LGI2: variants seen among roughly 807,000 people sequenced by gnomAD.
LGI2 encodes the protein leucine-rich repeat LGI family member 2.
LGI2 carries 30 observed loss-of-function variants against 52.0 expected under a neutral mutation model. That is an observed-to-expected ratio of 0.58 (90% CI 0.43 to 0.78). The LOEUF (loss-of-function observed/expected upper bound fraction) is 0.78. Ranked by LOEUF, LGI2 falls within the 30% of genes least tolerant of loss-of-function variation. The probability of loss-of-function intolerance (pLI) is 0.00; values close to 1 mark genes in which losing one functional copy is unlikely to be tolerated. For missense variants in LGI2, 573 were observed against 692.5 expected, an observed-to-expected ratio of 0.83 and a Z score of 1.94; for synonymous variants, 270 against 271.8, an observed-to-expected ratio of 0.99 and a Z score of 0.06.
At chr4:25,005,473 T>C (rs1725367114) in intron 7 of LGI2, among the ~76,000 whole-genome samples, 1 of 152,050 alleles carries the variant, frequency 6.6e-6, no homozygotes, top group African/African-American at 2.4e-5. Flanking sequence ...TTAATTAGCT[T>C]GATTTAGCCA....
chr4:25,018,818 T>A (rs1332122282), intron 5 of LGI2, among the ~76,000 whole-genome samples: 1 of 151,344 alleles, frequency 6.6e-6, no homozygotes, highest in African/African-American at 2.4e-5. Flanking sequence ...GTGGAGATCA[T>A]ACCATTTCAC....
At chr4:25,008,292 C>G (rs1439673059) in intron 7 of LGI2, among the ~76,000 whole-genome samples, 1 of 152,192 alleles carries the variant, frequency 6.6e-6, no homozygotes, top group Non-Finnish European at 1.5e-5. Context: ...TTGTCTCACA[C>G]CTGTAATCCT....
In LGI2 at chr4:25,029,101, T is replaced by C. The variant is rs554771624; in HGVS notation, c.198-523A>G. 2.6e-5 allele frequency among the ~76,000 whole-genome samples: 4 copies of C among 152,302 alleles called. No individual in the cohort carries two copies. The South Asian group carries it at 8.3e-4, about 32-fold the overall frequency. On this transcript the variant is annotated intron_variant, in intron 1 of 7. Transcript: ENST00000382114. ...CCCTGTGTGGGGAGAGGCAGTACCA[T>C]CTGCCAGATAAAACGGTCAACCAGG... is the stretch of plus-strand genomic sequence containing the variant.
chr4:25,025,223 G>A (rs541354051), intron 3 of LGI2, among the ~76,000 whole-genome samples: 2 of 152,294 alleles, frequency 1.3e-5, no homozygotes, highest in East Asian at 3.9e-4. Context: ...CTGCAAGACT[G>A]GAGCACTTCC....
rs765581940 is a variant in LGI2 at position 25,003,928 on chromosome 4, G to C, written c.1161C>G (p.Leu387=). ...GGACCTGGGAGCGGCTGGACAGGAT[G>C]AGATGCGATTTTCCATCGATATCAA... is the stretch of plus-strand genomic sequence containing the variant. The part of the protein sequence containing the change: ...EFVDIDGKSH[L]ILSSRSQVPI... The change falls in exon 8 of 8, where the codon CTC becomes CTG. Residue 387 remains leucine, a synonymous_variant. Coordinates refer to ENST00000382114, the MANE Select transcript of LGI2 (RefSeq NM_018176.4). 21 of 1,614,068 alleles carry C rather than the reference G, an allele frequency of 1.3e-5. No homozygotes were observed. Among genetic ancestry groups the C allele is most frequent in the Non-Finnish European group, 1.5e-5 (18 of 1,180,048 alleles).
chr4:25,020,682 G>C (rs541990923), intron 4 of LGI2, among the ~76,000 whole-genome samples: 1 of 152,306 alleles, frequency 6.6e-6, no homozygotes, highest in South Asian at 2.1e-4. Context: ...TTCCTACCTA[G>C]AGTCGGTTAG....
chr4:25,010,937 C>G (rs562411500), intron 7 of LGI2, among the ~76,000 whole-genome samples: 3 of 152,130 alleles, frequency 2.0e-5, no homozygotes, highest in African/African-American at 7.2e-5. Flanking sequence ...AAAAAATTAG[C>G]TGGGTGCAGT....
chr4:25,003,861 G>T lies in LGI2; in HGVS notation c.1228C>A (p.Pro410Thr), dbSNP rs971592994. ...QWNKSSKKFV[P>T]HGDIPNMEDV... ...TCCATGTTGGGGATGTCACCATGGG[G>T]GACAAACTTCTTAGAGCTTTTATTC... Residue 410 changes from proline to threonine, a missense_variant, in exon 8 of 8, where the codon CCC becomes ACC. By Grantham distance (38) the Pro-to-Thr change is conservative. Transcript: ENST00000382114. The T allele has an allele frequency of 6.2e-7, 1 of 1,614,188 alleles. No homozygotes were observed. The highest frequency in any genetic ancestry group is 1.7e-5 in the Admixed American group (1 of 60,018).
At chr4:25,028,636 G>T in intron 1 of LGI2, 58 bp from the exon 2 acceptor site, 9 of 1,463,476 alleles carry the variant, frequency 6.1e-6, no homozygotes, top group Non-Finnish European at 8.5e-6. Flanking sequence ...GTGCCATGCA[G>T]GGTGGGTAAT....
rs143552018 is a variant in LGI2, at chr4:25,018,047, C to A, written c.597G>T (p.Glu199Asp). The A allele has an allele frequency of 2.5e-6, 4 of 1,613,248 alleles. No homozygotes were observed. Among genetic ancestry groups the A allele is most frequent in the Non-Finnish European group, 3.4e-6 (4 of 1,179,800 alleles). ...CGTCATTTAGCTTCTTTTCCTGATACTCTGGTGGACCAATACACAGCACAT... is the reference window on the plus strand; with the variant it reads ...CGTCATTTAGCTTCTTTTCCTGATAATCTGGTGGACCAATACACAGCACAT... ...VSDVLCIGPP[E>D]YQEKKLNDVT... The change falls in exon 6 of 8, where the codon GAG becomes GAT. Residue 199 changes from glutamate to aspartate, a missense_variant. Coordinates refer to ENST00000382114, the MANE Select transcript of LGI2 (RefSeq NM_018176.4).
In LGI2 at chr4:24,999,941, C is replaced by T. The variant is rs1246287214; in HGVS notation, c.*3510G>A. 1 of 448,322 alleles carries T rather than the reference C, an allele frequency of 2.2e-6. No individual in the cohort carries two copies. The highest frequency in any genetic ancestry group is 7.1e-5 in the East Asian group (1 of 14,020). 27.8% of individuals were successfully genotyped at this position (448,322 alleles called of 1,614,324 possible). On this transcript the variant is annotated 3_prime_UTR_variant, in exon 8 of 8. Coordinates refer to ENST00000382114, the MANE Select transcript of LGI2 (RefSeq NM_018176.4). ...AATGTGACAAGAACCAGATGTGTCT[C>T]AACCTCAACATCCTCCCCATAGCTA...
intron 6 of LGI2, among the ~76,000 whole-genome samples, chr4:25,016,676 A>C (rs1476436864): frequency 6.6e-6 from 1 of 152,240 alleles, no homozygotes; most frequent in Non-Finnish European, 1.5e-5. Context: ...ATTTACAAAC[A>C]AAGATACCTA....
chr4:25,010,926 C>A (rs1357098381), intron 7 of LGI2, among the ~76,000 whole-genome samples: 2 of 151,398 alleles, frequency 1.3e-5, no homozygotes, highest in Non-Finnish European at 2.9e-5. Flanking sequence ...CTACAAAAAA[C>A]AAAAAATTAG....
At chr4:25,013,339 T>G (rs893030828) in intron 6 of LGI2, among the ~76,000 whole-genome samples, 48 of 152,076 alleles carry the variant, frequency 3.2e-4, no homozygotes, top group African/African-American at 1.1e-3. Context: ...CTGAGTGGTA[T>G]ATGAAGATGT....
chr4:25,029,952 T>C (rs1219060082), intron 1 of LGI2, among the ~76,000 whole-genome samples: 1 of 152,064 alleles, frequency 6.6e-6, no homozygotes, highest in Admixed American at 6.5e-5. Flanking sequence ...TGTGGAGAAG[T>C]CGGGAGGAGG....
chr4:25,023,069 T>TGATGATGATGAC (rs1726027105), intron 4 of LGI2, among the ~76,000 whole-genome samples: 1 of 7,136 alleles, frequency 1.4e-4, no homozygotes, highest in African/African-American at 2.5e-3. Flanking sequence ...ATGTTGATGT[T>TGATGATGATGAC]GATGATGATG....
chr4:25,016,110 G>A (rs908927800), intron 6 of LGI2, among the ~76,000 whole-genome samples: 2 of 151,746 alleles, frequency 1.3e-5, no homozygotes, highest in African/African-American at 4.9e-5. Context: ...GGTTACCTCA[G>A]TTCCAAGCTA....
At chr4:25,022,157 A>T (rs999727689) in intron 4 of LGI2, among the ~76,000 whole-genome samples, 2 of 152,212 alleles carry the variant, frequency 1.3e-5, no homozygotes, top group Non-Finnish European at 2.9e-5. Flanking sequence ...ACGAACACCC[A>T]GGCAACAGCA....
intron 5 of LGI2, among the ~76,000 whole-genome samples, 189 bp downstream of exon 5, chr4:25,018,978 T>G (rs1260127061): frequency 1.3e-5 from 2 of 152,084 alleles, no homozygotes. Context: ...GGCCTCATGG[T>G]GCTAAGTATA....
Sources: gnomAD v4.1 joint callset for allele counts (sites outside exome capture counted in the v4.1 genomes callset) on GRCh38, gnomAD v4.1.1 for gene constraint, MANE v1.5 for transcripts, NCBI Gene and HGNC (gene_info 2026-07-23, HGNC 2026-07-21) for gene names.